The following ADAMTSL1 variants were observed in gnomAD, a reference collection of about 807,000 sequenced individuals.
ADAMTSL1 encodes the protein ADAMTS like 1.
In ADAMTSL1, 126 loss-of-function variants were observed where a neutral mutation model predicts 201.8. That is an observed-to-expected ratio of 0.62 (90% CI 0.54 to 0.72). The LOEUF (loss-of-function observed/expected upper bound fraction) is 0.72, where lower values mean the gene tolerates loss of function less well. Ranked by LOEUF, ADAMTSL1 falls within the 30% of genes least tolerant of loss-of-function variation. ADAMTSL1 has a pLI of 0.00. For missense variants in ADAMTSL1, 2,679 were observed against 2,277.8 expected (o/e 1.18, Z -3.59); for synonymous variants, 1,121 against 903.4 (o/e 1.24, Z -4.32).
At chr9:18,520,549 T>C (rs1389552768) in intron 2 of ADAMTSL1, among the ~76,000 whole-genome samples, 1 of 152,228 alleles carries the variant, frequency 6.6e-6, no homozygotes, top group Non-Finnish European at 1.5e-5. Flanking sequence ...TTCACTCTCC[T>C]CTGATCAGTT....
intron 5 of ADAMTSL1, among the ~76,000 whole-genome samples, chr9:18,634,694 C>T (rs1439933277): frequency 2.7e-5 from 4 of 150,838 alleles, no homozygotes; most frequent in African/African-American, 7.3e-5. Flanking sequence ...AAAAATTAGT[C>T]AGGCGTGATG....
chr9:18,532,367 A>G (rs935999419), intron 2 of ADAMTSL1, among the ~76,000 whole-genome samples: 9 of 152,172 alleles, frequency 5.9e-5, no homozygotes, highest in African/African-American at 4.8e-5. Flanking sequence ...AAATTTATCT[A>G]TTCAAAAAAC....
chr9:18,466,485 C>G (rs1030293310), intron 2 of ADAMTSL1, among the ~76,000 whole-genome samples: 1 of 152,036 alleles, frequency 6.6e-6, no homozygotes, highest in African/African-American at 2.4e-5. Context: ...AATTCCGTGT[C>G]CTTTCTGGAA....
At chr9:18,449,479 T>A (rs1820323113) in intron 2 of ADAMTSL1, among the ~76,000 whole-genome samples, 1 of 152,058 alleles carries the variant, frequency 6.6e-6, no homozygotes, top group South Asian at 2.1e-4. Context: ...TAGAGGAAAC[T>A]TGTTTAACTT....
At chr9:18,316,078 A>G (rs1834382445) in intron 2 of ADAMTSL1, among the ~76,000 whole-genome samples, 1 of 152,206 alleles carries the variant, frequency 6.6e-6, no homozygotes, top group Non-Finnish European at 1.5e-5. Flanking sequence ...ACAAGCTGCA[A>G]AAACCAGCAA....
chr9:18,078,199 C>T (rs1206997822), intron 1 of ADAMTSL1, among the ~76,000 whole-genome samples: 3 of 152,150 alleles, frequency 2.0e-5, no homozygotes, highest in Non-Finnish European at 4.4e-5. Context: ...AAGCATGACT[C>T]ATGAGATAGA....
At chr9:18,603,979 A>G (rs964096280) in intron 4 of ADAMTSL1, among the ~76,000 whole-genome samples, 8 of 152,232 alleles carry the variant, frequency 5.3e-5, no homozygotes, top group African/African-American at 1.9e-4. Context: ...CGCAGATGGA[A>G]CAATGGCGAG....
intron 1 of ADAMTSL1, among the ~76,000 whole-genome samples, chr9:17,985,535 G>C (rs1293035078): frequency 1.3e-5 from 2 of 152,036 alleles, no homozygotes; most frequent in African/African-American, 4.8e-5. Flanking sequence ...GGTAAGACTT[G>C]ACAGGCAGCA....
At chr9:18,819,404 C>T (rs797006568) in intron 21 of ADAMTSL1, among the ~76,000 whole-genome samples, 21 of 150,626 alleles carry the variant, frequency 1.4e-4, no homozygotes, top group African/African-American at 5.1e-4. Context: ...TGCAGTGAGC[C>T]GAGATCGAAC....
chr9:18,814,254 A>G (rs962101072), intron 20 of ADAMTSL1, among the ~76,000 whole-genome samples: 2 of 152,192 alleles, frequency 1.3e-5, no homozygotes, highest in Admixed American at 1.3e-4. Context: ...ATGGTGAACA[A>G]TCTTTTTAAT....
intron 1 of ADAMTSL1, among the ~76,000 whole-genome samples, chr9:18,043,637 C>A (rs1313208216): frequency 6.6e-6 from 1 of 151,928 alleles, no homozygotes; most frequent in Non-Finnish European, 1.5e-5. Flanking sequence ...ATATGGCCAG[C>A]AGCAAAGGGC....
intron 2 of ADAMTSL1, among the ~76,000 whole-genome samples, chr9:18,207,251 AAAG>A (rs1458965817): frequency 1.3e-5 from 2 of 152,136 alleles, no homozygotes; most frequent in African/African-American, 4.8e-5. Flanking sequence ...GGAAGAGAGG[AAAG>A]AAGAAAAGAA....
At chr9:18,843,003 G>A (rs566015851) in intron 23 of ADAMTSL1, among the ~76,000 whole-genome samples, 1 of 152,088 alleles carries the variant, frequency 6.6e-6, no homozygotes, top group Non-Finnish European at 1.5e-5. Context: ...GCCAGTCTTT[G>A]TCTTTTAATT....
chr9:18,358,152 C>A (rs1306534275), intron 2 of ADAMTSL1, among the ~76,000 whole-genome samples: 1 of 152,116 alleles, frequency 6.6e-6, no homozygotes, highest in Admixed American at 6.6e-5. Context: ...CCAGTATATA[C>A]TTACAGTTGT....
intron 2 of ADAMTSL1, among the ~76,000 whole-genome samples, chr9:18,166,624 G>T (rs1827644355): frequency 6.6e-6 from 1 of 151,912 alleles, no homozygotes; most frequent in Non-Finnish European, 1.5e-5. Flanking sequence ...TGTATCCCCA[G>T]CACATAGAGC....
chr9:18,240,869 T>A (rs1248889531), intron 2 of ADAMTSL1, among the ~76,000 whole-genome samples: 1 of 152,214 alleles, frequency 6.6e-6, no homozygotes, highest in Non-Finnish European at 1.5e-5. Flanking sequence ...AGGCAGCTTC[T>A]TTCCTTAAAC....
chr9:18,032,382 G>A (rs913849465), intron 1 of ADAMTSL1, among the ~76,000 whole-genome samples: 1 of 152,210 alleles, frequency 6.6e-6, no homozygotes, highest in Non-Finnish European at 1.5e-5. Context: ...TCAGGACTGA[G>A]TACTGGCTGT....
intron 26 of ADAMTSL1, among the ~76,000 whole-genome samples, chr9:18,901,930 A>T (rs1830038561): frequency 6.6e-6 from 1 of 152,198 alleles, no homozygotes; most frequent in Non-Finnish European, 1.5e-5. Flanking sequence ...TTGAGATCTA[A>T]AGAAAAAATT....
At chr9:18,664,825 G>A (rs533432530) in intron 9 of ADAMTSL1, among the ~76,000 whole-genome samples, 12 of 152,128 alleles carry the variant, frequency 7.9e-5, no homozygotes, top group African/African-American at 2.9e-4. Context: ...TGGGAAGAGA[G>A]GGTCATTTGT....
Sources: allele counts gnomAD v4.1 joint callset (sites outside exome capture counted in the v4.1 genomes callset), GRCh38; gene constraint gnomAD v4.1.1; transcripts MANE v1.5; gene names NCBI Gene and HGNC (gene_info 2026-07-23, HGNC 2026-07-21).